The following SLIT2 variants were observed in gnomAD, a reference collection of about 807,000 sequenced individuals.
SLIT2 encodes slit homolog 2 protein.
SLIT2 carries 41 observed loss-of-function variants against 185.7 expected under a neutral mutation model. That is an observed-to-expected ratio of 0.22 (90% confidence interval 0.17 to 0.29). SLIT2 has a LOEUF of 0.29. Ranked by LOEUF, SLIT2 falls within the 10% of genes least tolerant of loss-of-function variation. The probability of loss-of-function intolerance (pLI) is 1.00; values close to 1 mark genes in which losing one functional copy is unlikely to be tolerated. For missense variants in SLIT2, 1,571 were observed against 1,909.0 expected, an observed-to-expected ratio of 0.82 and a Z score of 3.30; for synonymous variants, 693 against 680.2, an observed-to-expected ratio of 1.02 and a Z score of -0.29.
At chr4:20,320,947 T>C (rs1033079219) in intron 4 of SLIT2, among the ~76,000 whole-genome samples, 3 of 152,102 alleles carry the variant, frequency 2.0e-5, no homozygotes, top group Admixed American at 6.5e-5. Flanking sequence ...GCAGATCACT[T>C]GAGGCCAGGA....
In SLIT2 at chr4:20,349,932, A is replaced by G. The variant is rs150509096; in HGVS notation, c.395+81051A>G. ...CCACTACCACACAACTTTACAATGC[A>G]CTGTTTTATTTTTTGATCTGAATCT... On this transcript the variant is annotated intron_variant, in intron 4 of 36. Coordinates refer to ENST00000504154, the MANE Select transcript of SLIT2 (RefSeq NM_004787.4). Among the ~76,000 whole-genome samples the G allele has an allele frequency of 5.3e-3, 805 of 152,252 alleles. 8 individuals are homozygous for G. The highest frequency in any genetic ancestry group is 0.019 in the African/African-American group (777 of 41,556).
intron 28 of SLIT2, 109 bp from the exon 29 acceptor site, chr4:20,568,756 A>G (rs1227331948): frequency 6.3e-6 from 6 of 957,190 alleles, no homozygotes; most frequent in Non-Finnish European, 7.9e-6. Flanking sequence ...TCTGGTAGTT[A>G]AAAGCTCTAT....
At chr4:20,387,269 T>C (rs1012310122) in intron 4 of SLIT2, among the ~76,000 whole-genome samples, 3 of 152,316 alleles carry the variant, frequency 2.0e-5, no homozygotes, top group African/African-American at 7.2e-5. Flanking sequence ...ACGTTAGTTA[T>C]ATCTATTGAT....
At chr4:20,610,816 T>C (rs1445136251) in intron 34 of SLIT2, among the ~76,000 whole-genome samples, 2 of 152,270 alleles carry the variant, frequency 1.3e-5, no homozygotes, top group African/African-American at 4.8e-5. Context: ...GTTGGAAAGG[T>C]AGGTTAGGAC....
intron 24 of SLIT2, among the ~76,000 whole-genome samples, 187 bp from the exon 25 acceptor site, chr4:20,550,640 A>T (rs1723656907): frequency 6.6e-6 from 1 of 151,928 alleles, no homozygotes; most frequent in Non-Finnish European, 1.5e-5. Context: ...TTTATTTTGT[A>T]CACATAATGT....
chr4:20,438,329 TG>T (rs1729501674), intron 4 of SLIT2, among the ~76,000 whole-genome samples: 1 of 152,178 alleles, frequency 6.6e-6, no homozygotes, highest in African/African-American at 2.4e-5. Context: ...TCCACATGGC[TG>T]GGGAGGCCTC....
In SLIT2 at chr4:20,421,092, A is replaced by G. The variant is rs147150268; in HGVS notation, c.396-46660A>G. On this transcript the variant is annotated intron_variant, in intron 4 of 36. Coordinates refer to ENST00000504154, the MANE Select transcript of SLIT2 (RefSeq NM_004787.4). ...ACCTGGAGGTAGAATGGAGGGAATT[A>G]AAAGAAAAGGTAATTAGTAGTGTCA... Among the ~76,000 whole-genome samples the G allele has an allele frequency of 7.0e-4, 107 of 152,336 alleles. No homozygotes were observed. The East Asian group carries it at 0.019, about 27-fold the overall frequency.
At chr4:20,573,551 T>A (rs1392284436) in intron 29 of SLIT2, among the ~76,000 whole-genome samples, 2 of 152,316 alleles carry the variant, frequency 1.3e-5, no homozygotes, top group Non-Finnish European at 2.9e-5. Flanking sequence ...TAAATTTTTT[T>A]AATTTTCTAC....
intron 29 of SLIT2, chr4:20,569,342 T>A (rs6853061): frequency 0.35 from 86,097 of 244,124 alleles, 16,627 homozygotes; most frequent in African/African-American, 0.54. Flanking sequence ...TACCTGTGTG[T>A]AAAGAGGACA....
intron 26 of SLIT2, among the ~76,000 whole-genome samples, chr4:20,561,485 G>A (rs10516357): frequency 0.27 from 40,408 of 151,414 alleles, 5,814 homozygotes; most frequent in Non-Finnish European, 0.31. Context: ...TGATATTGTC[G>A]TTAGTCGTTG....
At chr4:20,453,955 T>C (rs889765232) in intron 4 of SLIT2, among the ~76,000 whole-genome samples, 1 of 152,224 alleles carries the variant, frequency 6.6e-6, no homozygotes, top group South Asian at 2.1e-4. Context: ...TTGAGTGGCA[T>C]GGATCTTAAA....
At chr4:20,310,884 GTTAA>G (rs1159921950) in intron 4 of SLIT2, among the ~76,000 whole-genome samples, 1 of 152,040 alleles carries the variant, frequency 6.6e-6, no homozygotes, top group Non-Finnish European at 1.5e-5. Flanking sequence ...TTTTAAATTA[GTTAA>G]TTAATTTATT....
At chr4:20,394,964 G>C (rs1334113794) in intron 4 of SLIT2, 4 of 151,916 alleles carry the variant, frequency 2.6e-5, no homozygotes, top group African/African-American at 9.7e-5. Flanking sequence ...TGTTGTTGGT[G>C]GTGGTGGCTG....
Position 20,553,789 on chromosome 4 carries a change from GGT to G in SLIT2, c.2562-13_2562-12del, listed in dbSNP as rs758465684. On this transcript the variant is annotated splice_polypyrimidine_tract_variant and intron_variant, in intron 25 of 36. Coordinates refer to ENST00000504154, the MANE Select transcript of SLIT2 (RefSeq NM_004787.4). ...TGTGTGTATGTGTGTGTGCTTCTGTGGTGTTGTTTTTCCAGAGCAATTGGAGC... is the reference window on the plus strand; with the variant it reads ...TGTGTGTATGTGTGTGTGCTTCTGTGGTTGTTTTTCCAGAGCAATTGGAGC... 16 of 1,553,044 alleles carry G rather than the reference GGT, an allele frequency of 1.0e-5. No homozygotes were observed. The East Asian group carries it at 3.4e-4, about 33-fold the overall frequency.
intron 33 of SLIT2, among the ~76,000 whole-genome samples, chr4:20,604,079 G>A (rs1359234509): frequency 5.9e-5 from 9 of 152,088 alleles, no homozygotes; most frequent in African/African-American, 9.7e-5. Flanking sequence ...ACCTAACATC[G>A]TGCTTGGCAC....
chr4:20,516,516 T>C (rs1720234258), intron 11 of SLIT2, among the ~76,000 whole-genome samples: 1 of 152,194 alleles, frequency 6.6e-6, no homozygotes, highest in Admixed American at 6.5e-5. Flanking sequence ...TTTCAGTTTC[T>C]TTTAAAAATT....
At chr4:20,561,249 T>C (rs1456536878) in intron 26 of SLIT2, among the ~76,000 whole-genome samples, 1 of 151,858 alleles carries the variant, frequency 6.6e-6, no homozygotes, top group African/African-American at 2.4e-5. Flanking sequence ...ACCTGAAACA[T>C]TGGCATAACC....
intron 9 of SLIT2, among the ~76,000 whole-genome samples, chr4:20,494,746 C>G (rs1377852294): frequency 1.3e-5 from 2 of 151,278 alleles, no homozygotes; most frequent in African/African-American, 2.4e-5. Context: ...CCACTGCACT[C>G]CAGCCTGGGT....
intron 16 of SLIT2, among the ~76,000 whole-genome samples, chr4:20,530,795 G>C (rs1046821864): frequency 4.0e-5 from 6 of 151,848 alleles, no homozygotes; most frequent in African/African-American, 1.5e-4. Context: ...TAGATTAAAA[G>C]GTATTTTACT....
Sources: gnomAD v4.1 joint callset for allele counts (sites outside exome capture counted in the v4.1 genomes callset) on GRCh38, gnomAD v4.1.1 for gene constraint, MANE v1.5 for transcripts, NCBI Gene and HGNC (gene_info 2026-07-23, HGNC 2026-07-21) for gene names.